The following NRIP1 variants were observed in gnomAD, a reference collection of about 807,000 sequenced individuals.
The protein encoded by NRIP1 is nuclear receptor interacting protein 1, also known as nuclear receptor-interacting protein 1.
Under a neutral mutation model 75.0 loss-of-function variants are expected in NRIP1, and 28 were observed. That is an observed-to-expected ratio of 0.37 (90% confidence interval 0.28 to 0.51). The LOEUF is 0.51. Ranked by LOEUF, NRIP1 falls within the 20% of genes least tolerant of loss-of-function variation. The pLI is 0.92. For missense variants in NRIP1, 1,435 were observed against 1,343.7 expected (o/e 1.07, Z -1.06); for synonymous variants, 526 against 487.6 (o/e 1.08, Z -1.04).
chr21:15,054,177 G>C (rs1021829614), intron 1 of NRIP1, among the ~76,000 whole-genome samples: 1 of 152,100 alleles, frequency 6.6e-6, no homozygotes, highest in Non-Finnish European at 1.5e-5. Flanking sequence ...ATCATCAACT[G>C]TTCTTGATAC....
chr21:15,035,060 A>G (rs2088800560), intron 2 of NRIP1, among the ~76,000 whole-genome samples: 1 of 152,168 alleles, frequency 6.6e-6, no homozygotes, highest in African/African-American at 2.4e-5. Context: ...GCTCAGGTTA[A>G]CTGATTTACT....
intron 2 of NRIP1, among the ~76,000 whole-genome samples, chr21:15,015,702 AAGT>A (rs1429952319): frequency 1.3e-5 from 2 of 152,156 alleles, no homozygotes; most frequent in African/African-American, 4.8e-5. Context: ...TATACTATAT[AAGT>A]GATAAAAACA....
chr21:15,052,399 G>C (rs147841676), intron 1 of NRIP1: 2,257 of 152,286 alleles, frequency 0.015, 39 homozygotes, highest in Middle Eastern at 0.037. Flanking sequence ...GACTTCAGCA[G>C]CTGAGAAGTA....
At chr21:15,022,529 C>A (rs2088403369) in intron 2 of NRIP1, among the ~76,000 whole-genome samples, 1 of 152,116 alleles carries the variant, frequency 6.6e-6, no homozygotes, top group Admixed American at 6.6e-5. Context: ...TGCACATGTA[C>A]CCCAGAACTT....
At chr21:15,048,357 A>T (rs146072317) in intron 1 of NRIP1, among the ~76,000 whole-genome samples, 153 of 152,320 alleles carry the variant, frequency 1.0e-3, no homozygotes, top group African/African-American at 3.6e-3. Context: ...CAATAAAATG[A>T]AGTATGCCTA....
At chr21:14,989,372 A>T (rs1346109854) in intron 3 of NRIP1, among the ~76,000 whole-genome samples, 1 of 152,204 alleles carries the variant, frequency 6.6e-6, no homozygotes, top group Non-Finnish European at 1.5e-5. Context: ...TCTTATTCCG[A>T]GGGGCCTGCA....
chr21:14,997,485 G>C (rs1482134432), intron 3 of NRIP1, among the ~76,000 whole-genome samples: 2 of 151,718 alleles, frequency 1.3e-5, no homozygotes, highest in African/African-American at 2.4e-5. Context: ...CATTATCTAG[G>C]TTAAAAACTG....
Position 14,967,320 on chromosome 21 carries a change from A to T in NRIP1, c.873T>A (p.Asn291Lys), listed in dbSNP as rs1217498283. The change falls in exon 4 of 4, where the codon AAT (asparagine) becomes AAA (lysine). Residue 291 changes from asparagine to lysine, a missense_variant. Asn to Lys is a moderately conservative substitution (Grantham distance 94). Transcript: ENST00000318948. ...CAGCAAGTCTTTCACTTGCTGCTTG[A>T]TTTGCATTTTGCGTTTTTAAAGCGT... The part of the protein sequence containing the change: ...REHALKTQNA[N>K]QAASERLAAM... 6.2e-7 allele frequency: 1 copy of T among 1,613,888 alleles called. No homozygotes were observed. Among genetic ancestry groups the T allele is most frequent in the Non-Finnish European group, 8.5e-7 (1 of 1,179,996 alleles).
Position 14,963,967 on chromosome 21 carries a change from A to C in NRIP1, c.*749T>G, listed in dbSNP as rs1379276622. The C allele has an allele frequency of 2.6e-5, 4 of 152,588 alleles. No homozygotes were observed. Among genetic ancestry groups the C allele is most frequent in the Non-Finnish European group, 5.9e-5 (4 of 68,018 alleles). The allele number at this position is 152,588 out of a possible 1,614,324, so 9.5% of individuals were successfully genotyped here. A position where few individuals can be genotyped will look rare whatever the true frequency, so the allele number is the denominator to read the frequency against. ...AATGTTAACTTTTCTAATTCTGTAA[A>C]AGGAGGAGTATTAATTTAGTAAAGT... is the stretch of plus-strand genomic sequence containing the variant. On this transcript the variant is annotated 3_prime_UTR_variant, in exon 4 of 4. Transcript: ENST00000318948.
chr21:14,994,660 A>T (rs766505410), intron 3 of NRIP1, among the ~76,000 whole-genome samples: 1 of 152,204 alleles, frequency 6.6e-6, no homozygotes, highest in African/African-American at 2.4e-5. Flanking sequence ...GATATACAAC[A>T]GGCATTTTGT....
rs190893046 is a variant in NRIP1 at position 14,998,238 on chromosome 21, G to A, written c.-335+16106C>T. 3.7e-3 allele frequency among the ~76,000 whole-genome samples: 557 copies of A among 152,216 alleles called. 3 individuals carry two copies. Among genetic ancestry groups the A allele is most frequent in the Non-Finnish European group, 3.3e-3 (223 of 68,012 alleles). Reference sequence around the variant, plus strand: ...ACCCTGAACTAGGCATGTGAATTTTGGATGGACCTTCTCAGTCTTTAACCT... The same window carrying A: ...ACCCTGAACTAGGCATGTGAATTTTAGATGGACCTTCTCAGTCTTTAACCT... On this transcript the variant is annotated intron_variant, in intron 3 of 3. Transcript: ENST00000318948.
Position 14,968,390 on chromosome 21 carries a change from A to G in NRIP1, c.-198T>C. The G allele has an allele frequency of 3.6e-6, 2 of 556,390 alleles. No individual in the cohort carries two copies. Among genetic ancestry groups the G allele is most frequent in the Non-Finnish European group, 6.5e-6 (2 of 309,036 alleles). The allele number at this position is 556,390 out of a possible 1,614,324, so 34.5% of individuals were successfully genotyped here. ...TAAATGCAGTCTGACCACAGTGCTGATCAACTTCTACGCAAGGAGGAGGAG... is the reference window on the plus strand; with the variant it reads ...TAAATGCAGTCTGACCACAGTGCTGGTCAACTTCTACGCAAGGAGGAGGAG... On this transcript the variant is annotated 5_prime_UTR_variant, in exon 4 of 4. Transcript: ENST00000318948.
intron 3 of NRIP1, among the ~76,000 whole-genome samples, chr21:14,972,464 A>C (rs1235378978): frequency 6.6e-6 from 1 of 152,228 alleles, no homozygotes; most frequent in Non-Finnish European, 1.5e-5. Flanking sequence ...ATGTTATTTT[A>C]AGTTATTCAA....
chr21:14,976,679 G>T (rs1232116990), intron 3 of NRIP1, among the ~76,000 whole-genome samples: 1 of 152,114 alleles, frequency 6.6e-6, no homozygotes, highest in Non-Finnish European at 1.5e-5. Flanking sequence ...ACTTTAAAAT[G>T]ATAAAATCCA....
At chr21:15,063,180 C>T (rs1197380032) in intron 1 of NRIP1, among the ~76,000 whole-genome samples, 3 of 152,188 alleles carry the variant, frequency 2.0e-5, no homozygotes, top group African/African-American at 7.2e-5. Flanking sequence ...AATTGATTCT[C>T]CTTCTTTGTC....
intron 3 of NRIP1, among the ~76,000 whole-genome samples, chr21:14,979,401 C>T (rs1370556196): frequency 3.3e-5 from 5 of 152,064 alleles, no homozygotes; most frequent in Admixed American, 1.3e-4. Context: ...CTATGGTTTC[C>T]CCATCCCTAA....
chr21:15,000,387 C>T (rs185946508), intron 3 of NRIP1, among the ~76,000 whole-genome samples: 1 of 152,158 alleles, frequency 6.6e-6, no homozygotes, highest in Non-Finnish European at 1.5e-5. Context: ...ATGCCAGGTA[C>T]AGTGTTAAGC....
intron 3 of NRIP1, among the ~76,000 whole-genome samples, chr21:15,008,108 G>A (rs2823005): frequency 0.69 from 104,506 of 151,462 alleles, 37,435 homozygotes; most frequent in East Asian, 0.93. Context: ...CTGTCCCGCT[G>A]AGACCTCAGA....
chr21:15,032,232 A>G (rs559985909), intron 2 of NRIP1, among the ~76,000 whole-genome samples: 1 of 152,238 alleles, frequency 6.6e-6, no homozygotes, highest in Admixed American at 6.5e-5. Flanking sequence ...CAAAACAAGA[A>G]CTCTTCAAAT....
Sources: gnomAD v4.1 joint callset for allele counts (sites outside exome capture counted in the v4.1 genomes callset) on GRCh38, gnomAD v4.1.1 for gene constraint, MANE v1.5 for transcripts, NCBI Gene and HGNC (gene_info 2026-07-23, HGNC 2026-07-21) for gene names.